Variants in CFAP77 observed in about 807,000 individuals in gnomAD.
CFAP77 encodes the protein cilia and flagella associated protein 77, also known as cilia- and flagella-associated protein 77.
CFAP77 carries 25 observed loss-of-function variants against 31.1 expected under a neutral mutation model. That is an observed-to-expected ratio of 0.80 (90% CI 0.59 to 1.12). The LOEUF is 1.12. CFAP77 is among the 50% of genes most tolerant of loss of function. The probability of loss-of-function intolerance (pLI) is 0.00; values close to 1 mark genes in which losing one functional copy is unlikely to be tolerated. For missense variants in CFAP77, 377 were observed against 397.3 expected (o/e 0.95, Z 0.44); for synonymous variants, 151 against 159.9 (o/e 0.94, Z 0.42).
At chr9:132,415,325 A>G (rs1360356557) in intron 1 of CFAP77, among the ~76,000 whole-genome samples, 1 of 151,822 alleles carries the variant, frequency 6.6e-6, no homozygotes, top group African/African-American at 2.4e-5. Flanking sequence ...CTGGGTGCCC[A>G]GGTACATCCT....
chr9:132,536,189 T>G (rs1333995411), intron 3 of CFAP77, among the ~76,000 whole-genome samples: 1 of 152,056 alleles, frequency 6.6e-6, no homozygotes, highest in East Asian at 1.9e-4. Context: ...GTACAAAACT[T>G]AGGGGAGCTG....
At chr9:132,449,896 T>G (rs1417158092) in intron 1 of CFAP77, among the ~76,000 whole-genome samples, 1 of 79,948 alleles carries the variant, frequency 1.3e-5, no homozygotes, top group Non-Finnish European at 2.7e-5. Context: ...GATTAAGAGT[T>G]TTTTTGTTTG....
rs1852605452 is a variant in CFAP77, at chr9:132,539,659, A to T, written c.630+1953A>T. 6.6e-6 allele frequency among the ~76,000 whole-genome samples: 1 copy of T among 152,106 alleles called. No homozygotes were observed. Among genetic ancestry groups the T allele is most frequent in the Non-Finnish European group, 1.5e-5 (1 of 68,018 alleles). On this transcript the variant is annotated intron_variant, in intron 4 of 5. Coordinates refer to ENST00000393216, the MANE Select transcript of CFAP77 (RefSeq NM_001282957.2). This position sits in a 1 kb window ranked among gnomAD's most constrained non-coding sequence, Gnocchi z 4.3. ...AGGAGGGGCCAGGAGGGGTGCACGA[A>T]GTGGGAGGCTGAGGATTTCCAGGCG...
At chr9:132,471,686 G>GC (rs1851260985) in intron 1 of CFAP77, among the ~76,000 whole-genome samples, 1 of 101,034 alleles carries the variant, frequency 9.9e-6, no homozygotes, top group Non-Finnish European at 2.1e-5. Flanking sequence ...GAGGGGGGTT[G>GC]TTTTTGTTTT....
At chr9:132,569,128 T>C (rs1829923525) in intron 5 of CFAP77, among the ~76,000 whole-genome samples, 1 of 152,184 alleles carries the variant, frequency 6.6e-6, no homozygotes, top group African/African-American at 2.4e-5. Flanking sequence ...ACAAGGCTGT[T>C]ACAAATATCT....
chr9:132,446,892 T>C (rs993970852), intron 1 of CFAP77, among the ~76,000 whole-genome samples: 5 of 152,206 alleles, frequency 3.3e-5, no homozygotes, highest in African/African-American at 4.8e-5. Flanking sequence ...TTTCCCATTT[T>C]ATTTTTACTT....
chr9:132,496,793 C>T (rs1851750165), intron 1 of CFAP77, among the ~76,000 whole-genome samples: 1 of 152,156 alleles, frequency 6.6e-6, no homozygotes, highest in Non-Finnish European at 1.5e-5. Flanking sequence ...TAATATCAGG[C>T]ATTTATTGTG....
intron 3 of CFAP77, among the ~76,000 whole-genome samples, chr9:132,530,095 A>G (rs954676534): frequency 6.8e-6 from 1 of 146,568 alleles, no homozygotes; most frequent in African/African-American, 2.5e-5. Flanking sequence ...CTTTGATGAA[A>G]TATCTCTTCA....
intron 1 of CFAP77, among the ~76,000 whole-genome samples, chr9:132,478,145 G>T (rs1851381535): frequency 1.3e-5 from 2 of 152,074 alleles, no homozygotes; most frequent in South Asian, 4.2e-4. Flanking sequence ...GGTGGGAGGT[G>T]ACTCGATCAT....
intron 3 of CFAP77, chr9:132,513,362 G>C: frequency 6.5e-7 from 1 of 1,536,908 alleles, no homozygotes. Context: ...TTTCGCTTCT[G>C]ATCCTTTCCT....
chr9:132,439,813 C>T (rs913396013), intron 1 of CFAP77, among the ~76,000 whole-genome samples: 28 of 145,866 alleles, frequency 1.9e-4, no homozygotes, highest in Non-Finnish European at 3.3e-4. Flanking sequence ...CGTGCCACTG[C>T]ACTCCAGCCT....
chr9:132,483,564 T>C (rs1415680409), intron 1 of CFAP77, among the ~76,000 whole-genome samples: 1 of 152,130 alleles, frequency 6.6e-6, no homozygotes, highest in Non-Finnish European at 1.5e-5. Context: ...CACCACAGCC[T>C]TTCAACAGTG....
rs1564225270 is a variant in CFAP77 at position 132,490,582 on chromosome 9, C to T, written c.196-8113C>T. Among the ~76,000 whole-genome samples, 1 of 152,176 alleles carries T rather than the reference C, an allele frequency of 6.6e-6. No individual in the cohort carries two copies. Among genetic ancestry groups the T allele is most frequent in the East Asian group, 1.9e-4 (1 of 5,192 alleles). ...TGGGGAGGGAGGCCAAGGGTCAGCGCTGGGCACTCCCACCTCTGGCTCCAG... is the reference window on the plus strand; with the variant it reads ...TGGGGAGGGAGGCCAAGGGTCAGCGTTGGGCACTCCCACCTCTGGCTCCAG... On this transcript the variant is annotated intron_variant, in intron 1 of 5. Transcript: ENST00000393216. The surrounding 1 kb of genome is among the most constrained non-coding windows in gnomAD (Gnocchi z 4.6).
At chr9:132,568,831 C>G (rs1829920881) in intron 5 of CFAP77, among the ~76,000 whole-genome samples, 1 of 152,090 alleles carries the variant, frequency 6.6e-6, no homozygotes, top group South Asian at 2.1e-4. Flanking sequence ...TCCCAAGTAG[C>G]TGGGACTATA....
intron 1 of CFAP77, among the ~76,000 whole-genome samples, chr9:132,460,758 A>T (rs925339832): frequency 6.6e-6 from 1 of 152,054 alleles, no homozygotes. Context: ...AAAAGGGTCA[A>T]TTCTCTGTCG....
At chr9:132,414,896 C>T (rs900721723) in intron 1 of CFAP77, among the ~76,000 whole-genome samples, 1 of 152,120 alleles carries the variant, frequency 6.6e-6, no homozygotes, top group Non-Finnish European at 1.5e-5. Flanking sequence ...ACACCATGCC[C>T]ACTAATAGCT....
At chr9:132,457,706 G>T (rs564545909) in intron 1 of CFAP77, among the ~76,000 whole-genome samples, 7 of 152,316 alleles carry the variant, frequency 4.6e-5, no homozygotes, top group Admixed American at 2.0e-4. Flanking sequence ...GGAGCGTTCC[G>T]CACGCCACCT....
In CFAP77 at chr9:132,565,373, T is replaced by G. The variant is rs1340045255; in HGVS notation, c.733-7015T>G. Among the ~76,000 whole-genome samples, 3 of 152,134 alleles carry G rather than the reference T, an allele frequency of 2.0e-5. 1 individual carries two copies. In the South Asian group the frequency reaches 6.2e-4, roughly 32 times the overall value. On this transcript the variant is annotated intron_variant, in intron 5 of 5. Coordinates refer to ENST00000393216, the MANE Select transcript of CFAP77 (RefSeq NM_001282957.2). This position sits in a 1 kb window ranked among gnomAD's most constrained non-coding sequence, Gnocchi z 4.1. The stretch of plus-strand genomic sequence containing the variant: ...GGCCTGGTGCCGTGGCTCACGCCTG[T>G]AATCCCAGCACTTTGGGAGGCCGAG...
intron 1 of CFAP77, among the ~76,000 whole-genome samples, chr9:132,459,734 A>G (rs28496192): frequency 1.5e-5 from 2 of 136,278 alleles, no homozygotes; most frequent in Non-Finnish European, 3.1e-5. Flanking sequence ...GTATGTGTAT[A>G]TGTGTGTGAG....
Sources: allele counts gnomAD v4.1 joint callset (sites outside exome capture counted in the v4.1 genomes callset), GRCh38; gene constraint gnomAD v4.1.1; non-coding constraint Gnocchi (gnomAD v3.1); transcripts MANE v1.5; gene names NCBI Gene and HGNC (gene_info 2026-07-23, HGNC 2026-07-21).